Variants in TASP1 observed in about 807,000 individuals in gnomAD.
The protein encoded by TASP1 is taspase 1, also known as threonine aspartase 1.
TASP1 carries 16 observed loss-of-function variants against 56.6 expected under a neutral mutation model. The ratio of observed to expected loss-of-function variants is 0.28; its 90% confidence interval spans 0.19 to 0.43. The LOEUF is 0.43. Ranked by LOEUF, TASP1 falls within the 20% of genes least tolerant of loss-of-function variation. TASP1 has a pLI of 1.00. For synonymous variants in TASP1, 179 were observed against 184.2 expected (o/e 0.97, Z 0.23); for missense variants, 393 against 511.6 (o/e 0.77, Z 2.24).
At chr20:13,366,867 T>TAC in the TASP1 span, among the ~76,000 whole-genome samples, 122 of 150,232 alleles carry the variant, frequency 8.1e-4, no homozygotes, top group Non-Finnish European at 1.1e-3. Context: ...CTGATTTGAC[T>TAC]ACACACACAC....
chr20:13,397,253 G>A (rs991916279), intron 13 of TASP1, among the ~76,000 whole-genome samples: 1 of 152,206 alleles, frequency 6.6e-6, no homozygotes. Flanking sequence ...CTCGCTCTAA[G>A]TGCAATTATG....
At chr20:13,533,475 A>T (rs2045300256) in intron 9 of TASP1, among the ~76,000 whole-genome samples, 1 of 152,168 alleles carries the variant, frequency 6.6e-6, no homozygotes, top group Non-Finnish European at 1.5e-5. Context: ...AATTTTACAT[A>T]AATTAGACCA....
intron 11 of TASP1, among the ~76,000 whole-genome samples, chr20:13,455,013 CAT>C (rs1343439928): frequency 6.6e-6 from 1 of 152,088 alleles, no homozygotes; most frequent in African/African-American, 2.4e-5. Flanking sequence ...ACATTCTACA[CAT>C]GTCTAGGAGC....
intron 7 of TASP1, among the ~76,000 whole-genome samples, chr20:13,561,448 C>G (rs1341792378): frequency 6.6e-6 from 1 of 152,126 alleles, no homozygotes; most frequent in Non-Finnish European, 1.5e-5. Flanking sequence ...TCACTACAAC[C>G]CCTGCCTCCC....
At chr20:13,496,351 G>A (rs571390878) in intron 10 of TASP1, among the ~76,000 whole-genome samples, 10 of 152,040 alleles carry the variant, frequency 6.6e-5, no homozygotes, top group East Asian at 5.8e-4. Flanking sequence ...CACTGCGCCC[G>A]GTCTGATTTT....
At chr20:13,351,443 T>A in the TASP1 span, among the ~76,000 whole-genome samples, 1 of 152,212 alleles carries the variant, frequency 6.6e-6, no homozygotes, top group African/African-American at 2.4e-5. Flanking sequence ...CTTCAGTGAG[T>A]GAATTTGGGA....
intron 9 of TASP1, among the ~76,000 whole-genome samples, chr20:13,532,946 C>T (rs529785446): frequency 1.6e-4 from 25 of 152,160 alleles, no homozygotes; most frequent in Non-Finnish European, 2.4e-4. Context: ...ATTGTACATA[C>T]GTTGAGTAAT....
At chr20:13,107,958 T>G in the TASP1 span, among the ~76,000 whole-genome samples, 1 of 152,182 alleles carries the variant, frequency 6.6e-6, no homozygotes, top group Non-Finnish European at 1.5e-5. Context: ...GATGTTTTCT[T>G]AAGGATGTTA....
chr20:13,226,752 G>A, the TASP1 span, among the ~76,000 whole-genome samples: 60 of 152,292 alleles, frequency 3.9e-4, no homozygotes, highest in Non-Finnish European at 8.1e-4. Flanking sequence ...TGGACTCAGA[G>A]CAGCAAGAGA....
chr20:13,540,195 A>G (rs1357845207), intron 8 of TASP1, among the ~76,000 whole-genome samples: 2 of 152,206 alleles, frequency 1.3e-5, no homozygotes, highest in Non-Finnish European at 2.9e-5. Flanking sequence ...AGGTCATTAA[A>G]CTGCATTCAT....
At chr20:13,272,769 C>T in the TASP1 span, among the ~76,000 whole-genome samples, 1 of 152,206 alleles carries the variant, frequency 6.6e-6, no homozygotes, top group Admixed American at 6.5e-5. Context: ...GGAATAGGTG[C>T]AGATTGGCAA....
At chr20:13,216,944 G>A in the TASP1 span, among the ~76,000 whole-genome samples, 9 of 152,254 alleles carry the variant, frequency 5.9e-5, no homozygotes, top group East Asian at 7.7e-4. Context: ...ATTCAGTCAC[G>A]AGCATAGGAT....
chr20:13,619,655 A>T (rs1038585661), intron 4 of TASP1, among the ~76,000 whole-genome samples: 5 of 152,276 alleles, frequency 3.3e-5, no homozygotes, highest in East Asian at 1.9e-4. Flanking sequence ...TCACTACTTG[A>T]TCCAAAACTA....
chr20:13,578,520 A>C (rs1274745438), intron 6 of TASP1, among the ~76,000 whole-genome samples: 1 of 151,972 alleles, frequency 6.6e-6, no homozygotes, highest in African/African-American at 2.4e-5. Flanking sequence ...ACTTAGCTTT[A>C]TTTTTTATCT....
intron 4 of TASP1, among the ~76,000 whole-genome samples, chr20:13,599,292 T>C (rs554743051): frequency 3.9e-5 from 6 of 152,268 alleles, no homozygotes; most frequent in East Asian, 3.9e-4. Flanking sequence ...CATCCATCAA[T>C]GATAGACTGG....
At chr20:13,236,113 C>T in the TASP1 span, among the ~76,000 whole-genome samples, 980 of 151,986 alleles carry the variant, frequency 6.4e-3, 17 homozygotes, top group African/African-American at 0.022. Context: ...TTAGTAGAGA[C>T]GGGGTTTCAC....
the TASP1 span, among the ~76,000 whole-genome samples, chr20:13,231,698 A>G: frequency 6.6e-6 from 1 of 152,214 alleles, no homozygotes; most frequent in Non-Finnish European, 1.5e-5. Flanking sequence ...AGCACTCTCT[A>G]TGGCTGACAC....
chr20:13,356,927 C>G, the TASP1 span, among the ~76,000 whole-genome samples: 2 of 152,186 alleles, frequency 1.3e-5, no homozygotes, highest in African/African-American at 4.8e-5. Context: ...CAAACACATG[C>G]AGATTTCCAC....
intron 11 of TASP1, among the ~76,000 whole-genome samples, chr20:13,469,321 C>T (rs891473954): frequency 2.0e-5 from 3 of 152,034 alleles, no homozygotes; most frequent in South Asian, 2.1e-4. Context: ...TCCAAATGTA[C>T]AAAATGTATG....
Sources: gnomAD v4.1 joint callset for allele counts (sites outside exome capture counted in the v4.1 genomes callset) on GRCh38, gnomAD v4.1.1 for gene constraint, MANE v1.5 for transcripts, NCBI Gene and HGNC (gene_info 2026-07-23, HGNC 2026-07-21) for gene names.